The following TAMM41 variants were observed in gnomAD, a reference collection of about 807,000 sequenced individuals.
The protein encoded by TAMM41 is phosphatidate cytidylyltransferase, mitochondrial.
TAMM41 carries 36 observed loss-of-function variants against 44.1 expected under a neutral mutation model. The observed-to-expected ratio is 0.82, with a 90% CI of 0.63 to 1.08. TAMM41 has a LOEUF of 1.08. Among genes scored for constraint, TAMM41 ranks in the 50% least tolerant of loss-of-function variants. TAMM41 has a pLI of 0.00. For missense variants in TAMM41, 417 were observed against 404.3 expected (o/e 1.03, Z -0.27); for synonymous variants, 164 against 153.1 (o/e 1.07, Z -0.53).
intron 5 of TAMM41, among the ~76,000 whole-genome samples, chr3:11,813,938 A>G (rs1217070980): frequency 2.0e-5 from 3 of 148,998 alleles, no homozygotes; most frequent in Non-Finnish European, 3.0e-5. Flanking sequence ...GTGTGTATAT[A>G]TGTGTATATA....
At position 11,825,352 on chromosome 3, in the gene TAMM41, A is replaced by C. The variant is rs78307900; in HGVS notation, c.562+4362T>G. Among the ~76,000 whole-genome samples, 815 of 152,308 alleles carry C rather than the reference A, an allele frequency of 5.4e-3. 4 individuals are homozygous for C. The highest frequency in any genetic ancestry group is 0.019 in the African/African-American group (773 of 41,562). On this transcript the variant is annotated intron_variant, in intron 4 of 7. Transcript: ENST00000455809. ...GAAATTAGCAAATGACTACTGAGTA[A>C]CCTGAGTTCCGGCTGAGGCACAGAG...
intron 7 of TAMM41, chr3:11,807,416 A>G: frequency 1.3e-6 from 2 of 1,530,546 alleles, no homozygotes; most frequent in Non-Finnish European, 1.7e-6. Context: ...AAAACTTACC[A>G]TTTAGAGAAA....
chr3:11,785,156 G>A, the TAMM41 span, among the ~76,000 whole-genome samples: 1 of 152,078 alleles, frequency 6.6e-6, no homozygotes, highest in Non-Finnish European at 1.5e-5. Flanking sequence ...TGCTGGGTAG[G>A]AGCCTGCAAA....
intron 7 of TAMM41, chr3:11,807,134 C>G (rs1355458628): frequency 2.1e-6 from 2 of 974,874 alleles, no homozygotes; most frequent in African/African-American, 3.5e-5. Flanking sequence ...ACATGAGATA[C>G]AGTAAATGGG....
At chr3:11,735,296 T>C in the TAMM41 span, among the ~76,000 whole-genome samples, 1 of 152,148 alleles carries the variant, frequency 6.6e-6, no homozygotes, top group East Asian at 1.9e-4. Context: ...AATTTGAGGC[T>C]GCAGTGAGTT....
chr3:11,789,057 C>T (rs1177129914), downstream of TAMM41, among the ~76,000 whole-genome samples: 3 of 152,204 alleles, frequency 2.0e-5, no homozygotes, highest in African/African-American at 2.4e-5. Flanking sequence ...ATGCTAGGCA[C>T]AAGGTGCTAC....
chr3:11,833,094 T>C (rs1483291945), intron 3 of TAMM41: 46 of 1,279,232 alleles, frequency 3.6e-5, no homozygotes, highest in East Asian at 5.7e-5. Context: ...TCAGCAGCAC[T>C]GTTATTTGTT....
intron 4 of TAMM41, among the ~76,000 whole-genome samples, chr3:11,823,760 A>C (rs1273130886): frequency 2.0e-5 from 3 of 149,452 alleles, no homozygotes; most frequent in African/African-American, 4.9e-5. Flanking sequence ...TCCTGGGTTC[A>C]AGCTGTTCTC....
intron 4 of TAMM41, among the ~76,000 whole-genome samples, chr3:11,819,949 C>T (rs971628100): frequency 2.0e-5 from 3 of 152,006 alleles, no homozygotes; most frequent in Admixed American, 1.3e-4. Flanking sequence ...AGGAGATGGA[C>T]GTGCAAAGAC....
the TAMM41 span, among the ~76,000 whole-genome samples, chr3:11,770,659 T>G: frequency 2.6e-5 from 4 of 152,126 alleles, no homozygotes; most frequent in Non-Finnish European, 5.9e-5. Flanking sequence ...CAGGAACGAT[T>G]GGCTGGCAGC....
At chr3:11,725,483 G>T in the TAMM41 span, among the ~76,000 whole-genome samples, 1 of 136,356 alleles carries the variant, frequency 7.3e-6, no homozygotes, top group African/African-American at 2.8e-5. Flanking sequence ...CTGTCACCCA[G>T]GCTGGAGTGA....
the TAMM41 span, among the ~76,000 whole-genome samples, chr3:11,784,325 CTCTACTAACAATACAAA>C: frequency 6.6e-6 from 1 of 152,154 alleles, no homozygotes; most frequent in Non-Finnish European, 1.5e-5. Context: ...GAAACCCTGT[CTCTACTAACAATACAAA>C]AAATTAGCCA....
the TAMM41 span, among the ~76,000 whole-genome samples, chr3:11,732,334 C>T: frequency 6.6e-6 from 1 of 151,736 alleles, no homozygotes; most frequent in Non-Finnish European, 1.5e-5. Context: ...CTCTCTCTCT[C>T]CCTCCCTGCC....
the TAMM41 span, among the ~76,000 whole-genome samples, chr3:11,737,412 C>T: frequency 2.0e-5 from 3 of 151,836 alleles, no homozygotes; most frequent in African/African-American, 7.3e-5. Flanking sequence ...CCTCCGCCTC[C>T]CAGGTTCAAG....
rs763052895 is a variant in TAMM41 at position 11,846,665 on chromosome 3, C to T, written c.-29G>A. On this transcript the variant is annotated 5_prime_UTR_variant, in exon 1 of 8. Transcript: ENST00000455809. ...GTCGAGGCTAACAGGGGACACTCAGCGCAGCAGGGCGAGGACAACCGGGCG... is the reference window on the plus strand; with the variant it reads ...GTCGAGGCTAACAGGGGACACTCAGTGCAGCAGGGCGAGGACAACCGGGCG... 10 of 1,613,706 alleles carry T rather than the reference C, an allele frequency of 6.2e-6. No individual in the cohort carries two copies. Among genetic ancestry groups the T allele is most frequent in the Non-Finnish European group, 8.5e-6 (10 of 1,179,802 alleles).
At chr3:11,745,212 T>G in the TAMM41 span, among the ~76,000 whole-genome samples, 1 of 152,124 alleles carries the variant, frequency 6.6e-6, no homozygotes, top group Admixed American at 6.5e-5. Flanking sequence ...ACACCTGTAG[T>G]CCCAGCTACT....
At chr3:11,835,156 T>C (rs760921173) in intron 3 of TAMM41, among the ~76,000 whole-genome samples, 14 of 152,172 alleles carry the variant, frequency 9.2e-5, no homozygotes, top group South Asian at 2.1e-4. Context: ...CTTAAGATAT[T>C]TACCCAACTT....
the TAMM41 span, among the ~76,000 whole-genome samples, chr3:11,761,402 C>T: frequency 6.6e-6 from 1 of 152,050 alleles, no homozygotes; most frequent in African/African-American, 2.4e-5. Context: ...CTAGTTGCCT[C>T]TATCCAGCCC....
At chr3:11,744,062 A>C in the TAMM41 span, among the ~76,000 whole-genome samples, 1 of 152,000 alleles carries the variant, frequency 6.6e-6, no homozygotes, top group Non-Finnish European at 1.5e-5. Context: ...GTAACACTTA[A>C]AATTTTTTAT....
Sources: gnomAD v4.1 joint callset for allele counts (sites outside exome capture counted in the v4.1 genomes callset) on GRCh38, gnomAD v4.1.1 for gene constraint, MANE v1.5 for transcripts, NCBI Gene and HGNC (gene_info 2026-07-23, HGNC 2026-07-21) for gene names.